PER2: variants seen among roughly 807,000 people sequenced by gnomAD.
The protein encoded by PER2 is period circadian regulator 2.
A neutral mutation model predicts 121.0 loss-of-function variants in PER2; 66 were observed. The ratio of observed to expected loss-of-function variants is 0.55; its 90% confidence interval spans 0.45 to 0.67. PER2 has a LOEUF of 0.67. Among genes scored for constraint, PER2 ranks in the 30% least tolerant of loss-of-function variants. The pLI is 0.00. For missense variants in PER2, 1,521 were observed against 1,635.0 expected, an observed-to-expected ratio of 0.93 and a Z score of 1.20; for synonymous variants, 684 against 659.9, an observed-to-expected ratio of 1.04 and a Z score of -0.56.
rs190259754 is a variant in PER2, at chr2:238,271,878, G to A, written c.571-365C>T. Among the ~76,000 whole-genome samples, 11 of 151,646 alleles carry A rather than the reference G, an allele frequency of 7.3e-5. 1 individual carries two copies. Among genetic ancestry groups the A allele is most frequent in the African/African-American group, 1.9e-4 (8 of 41,330 alleles). ...ACTAGCCCCGAGATGACCCCAATCCGGGCCGGAAAGATGCCTGCCCCAAGA... is the reference window on the plus strand; with the variant it reads ...ACTAGCCCCGAGATGACCCCAATCCAGGCCGGAAAGATGCCTGCCCCAAGA... On this transcript the variant is annotated intron_variant, in intron 5 of 22. Transcript: ENST00000254657.
chr2:238,250,229 G>A (rs925702670), intron 21 of PER2, among the ~76,000 whole-genome samples: 2 of 152,190 alleles, frequency 1.3e-5, no homozygotes, highest in African/African-American at 4.8e-5. Context: ...GGGCAACAAA[G>A]CAAGAGATGC....
Position 238,245,831 on chromosome 2 carries a change from C to T in PER2, c.*544G>A. On this transcript the variant is annotated 3_prime_UTR_variant, in exon 23 of 23. Transcript: ENST00000254657. ...TTGGTTTGCCAAACAACGCTTCACACCATTTAATGTGAAACGTTTTGAAAT... is the reference window on the plus strand; with the variant it reads ...TTGGTTTGCCAAACAACGCTTCACATCATTTAATGTGAAACGTTTTGAAAT... 1 of 396,004 alleles carries T rather than the reference C, an allele frequency of 2.5e-6. No homozygotes were observed. Among genetic ancestry groups the T allele is most frequent in the Non-Finnish European group, 4.4e-6 (1 of 224,980 alleles). 24.5% of individuals were successfully genotyped at this position (396,004 alleles called of 1,614,324 possible).
At position 238,268,228 on chromosome 2, in the gene PER2, G is replaced by T; in HGVS notation, c.825-30C>A. The T allele has an allele frequency of 1.2e-6, 2 of 1,611,636 alleles. No individual in the cohort carries two copies. Among genetic ancestry groups the T allele is most frequent in the South Asian group, 1.1e-5 (1 of 90,976 alleles). On this transcript the variant is annotated intron_variant, in intron 7 of 22. Coordinates refer to ENST00000254657, the MANE Select transcript of PER2 (RefSeq NM_022817.3). The surrounding 1 kb of genome is among the most constrained non-coding windows in gnomAD (Gnocchi z 4.0). ...GGAGAAGAGCCACGCTCTAAGTTGG[G>T]AACTGTGACACAGGAACAGTCCCCT...
chr2:238,262,133 A>T, intron 11 of PER2, 58 bp downstream of exon 11: 1 of 1,532,304 alleles, frequency 6.5e-7, no homozygotes, highest in Non-Finnish European at 9.0e-7. Context: ...GGAGGTGAGG[A>T]CAGCCCGAGA....
chr2:238,263,696 G>C (rs1450215010), intron 9 of PER2, among the ~76,000 whole-genome samples: 2 of 152,146 alleles, frequency 1.3e-5, no homozygotes, highest in African/African-American at 4.8e-5. Flanking sequence ...CTCCCGATCT[G>C]CCTCTTAACA....
chr2:238,268,826 C>T lies in PER2; in HGVS notation c.824+97G>A, dbSNP rs956580770. The stretch of plus-strand genomic sequence containing the variant: ...CAGAAACAGGCGTGCTGAGTCCCTG[C>T]AGGCAGGGATCACGCCCCCCAGCCT... On this transcript the variant is annotated intron_variant, in intron 7 of 22. Coordinates refer to ENST00000254657, the MANE Select transcript of PER2 (RefSeq NM_022817.3). The surrounding 1 kb of genome is among the most constrained non-coding windows in gnomAD (Gnocchi z 4.0). 11 of 874,592 alleles carry T rather than the reference C, an allele frequency of 1.3e-5. No homozygotes were observed. In the East Asian group the frequency reaches 2.7e-4, roughly 21 times the overall value. The allele number at this position is 874,592 out of a possible 1,614,324, so 54.2% of individuals were successfully genotyped here. A position where few individuals can be genotyped will look rare whatever the true frequency, so the allele number is the denominator to read the frequency against.
chr2:238,268,017 A>G lies in PER2; in HGVS notation c.967+39T>C. The G allele has an allele frequency of 6.2e-7, 1 of 1,610,246 alleles. No homozygotes were observed. Among genetic ancestry groups the G allele is most frequent in the Non-Finnish European group, 8.5e-7 (1 of 1,178,206 alleles). ...CCACAGGAGTAACTGAGGGGGAGCC[A>G]GAGACAACATCTGCCCTCGCCCTGG... On this transcript the variant is annotated intron_variant, in intron 8 of 22. Transcript: ENST00000254657. This position sits in a 1 kb window ranked among gnomAD's most constrained non-coding sequence, Gnocchi z 4.0.
At chr2:238,248,732 T>C (rs1184787140) in intron 22 of PER2, among the ~76,000 whole-genome samples, 1 of 151,132 alleles carries the variant, frequency 6.6e-6, no homozygotes, top group Admixed American at 6.6e-5. Context: ...CTTGGCTCCC[T>C]GCAAGCTCTG....
intron 5 of PER2, among the ~76,000 whole-genome samples, chr2:238,272,311 C>A (rs898489464): frequency 6.6e-6 from 1 of 152,216 alleles, no homozygotes; most frequent in Non-Finnish European, 1.5e-5. Context: ...GGGGGACCCT[C>A]TGCTCACTTG....
At chr2:238,290,282 TC>T (rs1696926312), upstream of PER2, among the ~76,000 whole-genome samples, 1 of 151,766 alleles carries the variant, frequency 6.6e-6, no homozygotes, top group Admixed American at 6.6e-5. Context: ...CTCGACACAC[TC>T]CCCGCCCCCT....
At chr2:238,285,724 C>T (rs943316577) in intron 1 of PER2, among the ~76,000 whole-genome samples, 15 of 122,546 alleles carry the variant, frequency 1.2e-4, no homozygotes, top group African/African-American at 1.8e-4. Context: ...GGTGGCCCTC[C>T]CAGCCACCAT....
intron 9 of PER2, among the ~76,000 whole-genome samples, chr2:238,265,004 G>A (rs187735580): frequency 1.3e-5 from 2 of 152,294 alleles, no homozygotes; most frequent in African/African-American, 2.4e-5. Flanking sequence ...CATGGTGGGG[G>A]CAGAAGCCAC....
At position 238,253,278 on chromosome 2, in the gene PER2, C is replaced by G. The variant is rs371760410; in HGVS notation, c.2745G>C (p.Ser915=). Residue 915 remains serine (S), a synonymous_variant, in exon 19 of 23, where the codon TCG becomes TCC. Transcript: ENST00000254657. The surrounding 1 kb of genome is among the most constrained non-coding windows in gnomAD (Gnocchi z 5.6). The part of the protein sequence containing the change: ...AFMLPSYSFP[S]GTPNLPQAFF... ...AGGCCTGGGGCAGGTTTGGGGTCCCCGAGGGGAAGGAATAACTGGGTAGCA... is the reference window on the plus strand; with the variant it reads ...AGGCCTGGGGCAGGTTTGGGGTCCCGGAGGGGAAGGAATAACTGGGTAGCA... 1 of 1,611,154 alleles carries G rather than the reference C, an allele frequency of 6.2e-7. No homozygotes were observed. The highest frequency in any genetic ancestry group is 1.7e-5 in the Admixed American group (1 of 59,842).
chr2:238,277,814 A>G lies in PER2; in HGVS notation c.123T>C (p.His41=). 2 of 1,613,742 alleles carry G rather than the reference A, an allele frequency of 1.2e-6. No individual in the cohort carries two copies. The highest frequency in any genetic ancestry group is 1.7e-6 in the Non-Finnish European group (2 of 1,179,612). The change falls in exon 2 of 23, where the codon CAT becomes CAC. Residue 41 remains histidine, a synonymous_variant. Coordinates refer to ENST00000254657, the MANE Select transcript of PER2 (RefSeq NM_022817.3). ...CCGTGGAGCAGTTTTCGTTGGTCTCATGTCCACTGGAGCCACTGCTCATGT... is the reference window on the plus strand; with the variant it reads ...CCGTGGAGCAGTTTTCGTTGGTCTCGTGTCCACTGGAGCCACTGCTCATGT... The part of the protein sequence containing the change: ...DVDMSSGSSG[H]ETNENCSTGR...
Position 238,273,144 on chromosome 2 carries a change from A to G in PER2, c.496T>C (p.Cys166Arg), listed in dbSNP as rs763724129. 6.2e-7 allele frequency: 1 copy of G among 1,613,904 alleles called. No homozygotes were observed. Reference sequence around the variant, plus strand: ...GTGTAGGAGGGCACGTCTGCTCCACAGGGGTGACCCTCGCTGGACATCAGC... The same window carrying G: ...GTGTAGGAGGGCACGTCTGCTCCACGGGGGTGACCCTCGCTGGACATCAGC... ...QLLMSSEGHP[C>R]GADVPSYTVE... The change falls in exon 5 of 23, where the codon TGT becomes CGT. Residue 166 changes from cysteine to arginine, a missense_variant. Cys to Arg is a radical substitution (Grantham distance 180). Transcript: ENST00000254657.
At position 238,261,801 on chromosome 2, in the gene PER2, GGGGT is replaced by G; in HGVS notation, c.1340_1343del (p.His447ProfsTer48). 1 of 1,575,346 alleles carries G rather than the reference GGGGT, an allele frequency of 6.3e-7. No individual in the cohort carries two copies. On this transcript the variant is annotated frameshift_variant, in exon 12 of 23. Transcript: ENST00000254657. LOFTEE classifies it high-confidence loss of function. Reference sequence around the variant, plus strand: ...GGTGCAGGGCCTTCTCCTCTGTGCAGGGGTGGGCTGCAAACACGTCCTCATTCAA... The same window carrying G: ...GGTGCAGGGCCTTCTCCTCTGTGCAGGGGCTGCAAACACGTCCTCATTCAA...
At chr2:238,295,242 GTTCTTCTTCTCCTTCTCCTTCTTTC>G in the PER2 span, 1 of 151,546 alleles carries the variant, frequency 6.6e-6, no homozygotes, top group Non-Finnish European at 1.5e-5. Context: ...CTTCTTTCTT[GTTCTTCTTCTCCTTCTCCTTCTTTC>G]TTCTTCTTCT....
At chr2:238,262,871 A>G (rs1695977698) in intron 10 of PER2, 81 bp downstream of exon 10, 1 of 930,628 alleles carries the variant, frequency 1.1e-6, no homozygotes, top group Non-Finnish European at 1.7e-6. Flanking sequence ...TGTCAGAGCT[A>G]GACTGGTCCC....
At chr2:238,264,800 A>G (rs1696044573) in intron 9 of PER2, among the ~76,000 whole-genome samples, 2 of 151,930 alleles carry the variant, frequency 1.3e-5, no homozygotes, top group African/African-American at 4.8e-5. Flanking sequence ...TTTTTATTTT[A>G]TTTTGCAGAG....
Sources: gnomAD v4.1 joint callset for allele counts (sites outside exome capture counted in the v4.1 genomes callset) on GRCh38, gnomAD v4.1.1 for gene constraint, Gnocchi (gnomAD v3.1) non-coding constraint, MANE v1.5 for transcripts, NCBI Gene and HGNC (gene_info 2026-07-23, HGNC 2026-07-21) for gene names.